ARID4B: variants seen among roughly 807,000 people sequenced by gnomAD.
ARID4B encodes AT-rich interaction domain 4B.
ARID4B carries 26 observed loss-of-function variants against 147.5 expected under a neutral mutation model. That is an observed-to-expected ratio of 0.18 (90% CI 0.13 to 0.24). ARID4B has a LOEUF of 0.24. Among genes scored for constraint, ARID4B ranks in the 10% least tolerant of loss-of-function variants. The pLI, the probability that ARID4B is intolerant of heterozygous loss-of-function variation, is 1.00. For missense variants in ARID4B, 1,179 were observed against 1,511.5 expected (o/e 0.78, Z 3.65); for synonymous variants, 512 against 507.9 (o/e 1.01, Z -0.11).
intron 2 of ARID4B, among the ~76,000 whole-genome samples, chr1:235,315,160 A>T (rs1674341815): frequency 6.6e-6 from 1 of 152,208 alleles, no homozygotes; most frequent in African/African-American, 2.4e-5. Flanking sequence ...TTGGTGGCTC[A>T]CATCTGTAAT....
rs890407315 is a variant in ARID4B, at chr1:235,327,910, C to T, written c.-191G>A. On this transcript the variant is annotated 5_prime_UTR_variant, in exon 1 of 24. Transcript: ENST00000264183. ...TGCTGAGGCAGAGGCTCCGGCTCCT[C>T]CTCCTCCCGCGGCGGCGACTGGTAC... 5 of 152,622 alleles carry T rather than the reference C, an allele frequency of 3.3e-5. No homozygotes were observed. The highest frequency in any genetic ancestry group is 1.2e-4 in the African/African-American group (5 of 41,450). The allele number at this position is 152,622 out of a possible 1,614,324, so 9.5% of individuals were successfully genotyped here.
intron 16 of ARID4B, among the ~76,000 whole-genome samples, chr1:235,215,944 T>C (rs893717817): frequency 1.3e-5 from 2 of 151,994 alleles, no homozygotes; most frequent in Non-Finnish European, 2.9e-5. Flanking sequence ...AATTTCAGCT[T>C]TATATCTCTA....
intron 4 of ARID4B, among the ~76,000 whole-genome samples, chr1:235,256,173 C>CAAAGAA (rs1669977651): frequency 1.1e-5 from 1 of 92,510 alleles, no homozygotes. Flanking sequence ...GACTCTGCCT[C>CAAAGAA]AAAAAAAAAA....
At chr1:235,262,925 C>T (rs1343504315) in intron 2 of ARID4B, among the ~76,000 whole-genome samples, 1 of 152,154 alleles carries the variant, frequency 6.6e-6, no homozygotes. Flanking sequence ...TCATGTTGCA[C>T]ATACTGAATA....
At position 235,245,744 on chromosome 1, in the gene ARID4B, T is replaced by C. The variant is rs1020137026; in HGVS notation, c.446+676A>G. On this transcript the variant is annotated intron_variant, in intron 7 of 23. Coordinates refer to ENST00000264183, the MANE Select transcript of ARID4B (RefSeq NM_016374.6). ...TATGATGTTGATTATCTAGTACTTA[T>C]GTAACATTTACTCTATAAACACTTA... is the stretch of plus-strand genomic sequence containing the variant. 4.6e-5 allele frequency among the ~76,000 whole-genome samples: 7 copies of C among 152,212 alleles called. No homozygotes were observed. The East Asian group carries it at 7.7e-4, about 17-fold the overall frequency.
chr1:235,298,833 G>A (rs1341470595), intron 2 of ARID4B, among the ~76,000 whole-genome samples: 1 of 152,042 alleles, frequency 6.6e-6, no homozygotes, highest in African/African-American at 2.4e-5. Context: ...CACAGAGATG[G>A]GGAACCAAAC....
Position 235,170,910 on chromosome 1 carries a change from C to CAAAA in ARID4B, c.3811+1704_3811+1707dup, listed in dbSNP as rs1164420998. On this transcript the variant is annotated intron_variant, in intron 23 of 23. Coordinates refer to ENST00000264183, the MANE Select transcript of ARID4B (RefSeq NM_016374.6). ...CTGGTGACTGACCGAGACTCCGTCTCAAAAAAAAAAAAAAAAAAAAAAAAC... is the reference window on the plus strand; with the variant it reads ...CTGGTGACTGACCGAGACTCCGTCTCAAAAAAAAAAAAAAAAAAAAAAAAAAAAC... Among the ~76,000 whole-genome samples the CAAAA allele has an allele frequency of 1.5e-3, 90 of 61,422 alleles. 2 individuals are homozygous for CAAAA. The highest frequency in any genetic ancestry group is 4.7e-3 in the African/African-American group (86 of 18,482). 40.3% of individuals were successfully genotyped at this position (61,422 alleles called of 152,430 possible).
chr1:235,267,277 A>AAAAACAAAACAAAAC (rs963787580), intron 2 of ARID4B, among the ~76,000 whole-genome samples: 1 of 152,212 alleles, frequency 6.6e-6, no homozygotes, highest in Admixed American at 6.5e-5. Context: ...GGCTCTGTCA[A>AAAAACAAAACAAAAC]AAAACAAAAC....
intron 9 of ARID4B, 71 bp from the exon 10 acceptor site, chr1:235,231,260 G>A: frequency 1.2e-6 from 1 of 801,572 alleles, no homozygotes; most frequent in African/African-American, 1.8e-5. Flanking sequence ...TAAGAATCCA[G>A]ATGATTACAT....
At chr1:235,225,973 T>C (rs1667802792) in intron 11 of ARID4B, among the ~76,000 whole-genome samples, 1 of 152,314 alleles carries the variant, frequency 6.6e-6, no homozygotes, top group South Asian at 2.1e-4. Context: ...CATTCAGGTT[T>C]TGGTAAGGTG....
At chr1:235,175,096 A>G (rs894521725) in intron 22 of ARID4B, 88 bp downstream of exon 22, 36 of 1,184,364 alleles carry the variant, frequency 3.0e-5, no homozygotes, top group Admixed American at 5.5e-5. Context: ...ACAGAGCGAG[A>G]CTCTGTCTCT....
At chr1:235,183,090 C>T (rs2102927454) in intron 19 of ARID4B, among the ~76,000 whole-genome samples, 1 of 151,852 alleles carries the variant, frequency 6.6e-6, no homozygotes, top group Non-Finnish European at 1.5e-5. Context: ...CTTAATAAAG[C>T]TGAAATAAAA....
rs1558289216 is a variant in ARID4B, at chr1:235,296,831, A to AGGG, written c.6+30082_6+30083insCCC. ...GAAGGAAGGAAGGAAGGAAGGAAGG[A>AGGG]AGGAAGGGAGGAAGGAGGGAGGGAA... On this transcript the variant is annotated intron_variant, in intron 2 of 23. Coordinates refer to ENST00000264183, the MANE Select transcript of ARID4B (RefSeq NM_016374.6). 2.8e-3 allele frequency among the ~76,000 whole-genome samples: 45 copies of AGGG among 16,240 alleles called. 1 individual carries two copies. The highest frequency in any genetic ancestry group is 7.4e-3 in the African/African-American group (41 of 5,526). 10.7% of individuals were successfully genotyped at this position (16,240 alleles called of 152,430 possible). A position where few individuals can be genotyped will look rare whatever the true frequency, so the allele number is the denominator to read the frequency against.
chr1:235,230,341 G>A (rs1440552120), intron 10 of ARID4B, among the ~76,000 whole-genome samples: 1 of 151,594 alleles, frequency 6.6e-6, no homozygotes, highest in East Asian at 1.9e-4. Flanking sequence ...TTGAACCCGG[G>A]AGGTGGAGGG....
Position 235,273,201 on chromosome 1 carries a change from C to A in ARID4B, c.7-12449G>T, listed in dbSNP as rs535291632. Reference sequence around the variant, plus strand: ...TACAGGCGTGCACCACCCCACCCAGCTAATTTCATGTGTGTGTATTTTTAT... The same window carrying A: ...TACAGGCGTGCACCACCCCACCCAGATAATTTCATGTGTGTGTATTTTTAT... On this transcript the variant is annotated intron_variant, in intron 2 of 23. Coordinates refer to ENST00000264183, the MANE Select transcript of ARID4B (RefSeq NM_016374.6). Among the ~76,000 whole-genome samples, 3 of 152,258 alleles carry A rather than the reference C, an allele frequency of 2.0e-5. No individual in the cohort carries two copies. The South Asian group carries it at 6.2e-4, about 32-fold the overall frequency.
chr1:235,213,277 G>A (rs1313663670), intron 17 of ARID4B, among the ~76,000 whole-genome samples: 2 of 152,118 alleles, frequency 1.3e-5, no homozygotes, highest in African/African-American at 2.4e-5. Context: ...ATAAATTTCT[G>A]AGACTTCTGA....
chr1:235,286,232 C>A (rs1200266082), intron 2 of ARID4B, among the ~76,000 whole-genome samples: 2 of 152,186 alleles, frequency 1.3e-5, no homozygotes, highest in Admixed American at 1.3e-4. Flanking sequence ...CAGGGTCTCA[C>A]TATGTTACCC....
chr1:235,257,777 G>A (rs1670075365), intron 3 of ARID4B, among the ~76,000 whole-genome samples: 1 of 152,016 alleles, frequency 6.6e-6, no homozygotes, highest in Non-Finnish European at 1.5e-5. Context: ...CACCACGCCT[G>A]GTCCCACATA....
intron 4 of ARID4B, 128 bp from the exon 5 acceptor site, chr1:235,255,878 A>T: frequency 1.6e-6 from 1 of 613,308 alleles, no homozygotes; most frequent in South Asian, 2.3e-5. Flanking sequence ...TTCATTTAAA[A>T]GTACCAGCAG....
Sources: allele counts gnomAD v4.1 joint callset (sites outside exome capture counted in the v4.1 genomes callset), GRCh38; gene constraint gnomAD v4.1.1; transcripts MANE v1.5; gene names NCBI Gene and HGNC (gene_info 2026-07-23, HGNC 2026-07-21).